Variants in KAT6A observed in about 807,000 individuals in gnomAD.
KAT6A encodes lysine acetyltransferase 6A.
In KAT6A, 9 loss-of-function variants were observed where a neutral mutation model predicts 198.4. That is an observed-to-expected ratio of 0.05 (90% CI 0.03 to 0.08). The LOEUF (loss-of-function observed/expected upper bound fraction) is 0.08. KAT6A is among the 10% of genes least tolerant of loss of function. The probability of loss-of-function intolerance (pLI) is 1.00; values close to 1 mark genes in which losing one functional copy is unlikely to be tolerated. For missense variants in KAT6A, 2,077 were observed against 2,509.9 expected (o/e 0.83, Z 3.69); for synonymous variants, 890 against 883.0 (o/e 1.01, Z -0.14).
chr8:41,967,641 G>C (rs1823576334), intron 8 of KAT6A, among the ~76,000 whole-genome samples: 1 of 151,882 alleles, frequency 6.6e-6, no homozygotes, highest in African/African-American at 2.4e-5. Flanking sequence ...ATTTTTTATG[G>C]CTACATAGTA....
chr8:42,005,588 G>A (rs1475573416), intron 2 of KAT6A, among the ~76,000 whole-genome samples: 1 of 152,150 alleles, frequency 6.6e-6, no homozygotes, highest in Non-Finnish European at 1.5e-5. Flanking sequence ...TGTTTTCCTA[G>A]CCAGCACATT....
chr8:42,023,778 C>A (rs563799173), intron 2 of KAT6A, among the ~76,000 whole-genome samples: 4 of 151,332 alleles, frequency 2.6e-5, no homozygotes, highest in African/African-American at 4.9e-5. Flanking sequence ...TGAGCCACCA[C>A]GCCCAGCCTA....
intron 2 of KAT6A, among the ~76,000 whole-genome samples, chr8:42,043,914 T>A (rs568242624): frequency 6.6e-6 from 1 of 151,432 alleles, no homozygotes; most frequent in Non-Finnish European, 1.5e-5. Context: ...GGTACTGTTA[T>A]GTTATTAATA....
intron 8 of KAT6A, among the ~76,000 whole-genome samples, chr8:41,966,073 GCAAGTCA>G (rs1278747440): frequency 6.6e-6 from 1 of 152,084 alleles, no homozygotes; most frequent in Non-Finnish European, 1.5e-5. Flanking sequence ...CCTTAGTTGG[GCAAGTCA>G]CTATCAGATT....
rs376411038 is a variant in KAT6A at position 41,940,966 on chromosome 8, C to T, written c.2915G>A (p.Arg972His). Residue 972 changes from arginine (R) to histidine (H), a missense_variant, in exon 15 of 17, where the codon CGC becomes CAC. Arg to His is a conservative substitution (Grantham distance 29). This residue lies in a region of KAT6A where 301 missense variants were observed against 272.2 expected (regional missense o/e 1.11). Transcript: ENST00000265713. ...LTEGSERLPR[R>H]YSEGDRAVLR... ...GACAGCCCTGTCACCCTCACTGTAGCGACGGGGCAGCCTCTCACTTCCTTC... is the reference window on the plus strand; with the variant it reads ...GACAGCCCTGTCACCCTCACTGTAGTGACGGGGCAGCCTCTCACTTCCTTC... 2.2e-5 allele frequency: 36 copies of T among 1,614,194 alleles called. No individual in the cohort carries two copies. The highest frequency in any genetic ancestry group is 5.0e-5 in the Admixed American group (3 of 60,020).
rs147773862 is a variant in KAT6A at position 42,037,407 on chromosome 8, T to C, written c.600+10971A>G. Among the ~76,000 whole-genome samples the C allele has an allele frequency of 4.6e-5, 7 of 152,216 alleles. No homozygotes were observed. In the East Asian group the frequency reaches 1.3e-3, roughly 29 times the overall value. ...AATCACACTCCACACACAAAAATAG[T>C]AATAATGTTTCTGAGAGTTCTGTTA... On this transcript the variant is annotated intron_variant, in intron 2 of 16. Coordinates refer to ENST00000265713, the MANE Select transcript of KAT6A (RefSeq NM_006766.5).
Position 42,034,764 on chromosome 8 carries a change from T to C in KAT6A, c.600+13614A>G, listed in dbSNP as rs1445064994. 6.6e-5 allele frequency among the ~76,000 whole-genome samples: 10 copies of C among 152,316 alleles called. No homozygotes were observed. In the South Asian group the frequency reaches 1.5e-3, roughly 22 times the overall value. ...GCTATCACAGAGGGCAGTACAGATATAGAACATTTCCATCATTGCACAAAG... is the reference window on the plus strand; with the variant it reads ...GCTATCACAGAGGGCAGTACAGATACAGAACATTTCCATCATTGCACAAAG... On this transcript the variant is annotated intron_variant, in intron 2 of 16. Transcript: ENST00000265713.
At chr8:41,955,255 T>G (rs765293393) in intron 9 of KAT6A, 41 bp downstream of exon 9, 1 of 1,211,116 alleles carries the variant, frequency 8.3e-7, no homozygotes, top group Admixed American at 1.7e-5. Context: ...CAGACTTCTA[T>G]GGATCTCAAA....
intron 15 of KAT6A, among the ~76,000 whole-genome samples, chr8:41,939,233 G>A (rs1821990579): frequency 6.6e-6 from 1 of 152,118 alleles, no homozygotes; most frequent in Non-Finnish European, 1.5e-5. Flanking sequence ...TCTTAAGTGT[G>A]GCTATGCACA....
chr8:41,949,349 T>A lies in KAT6A; in HGVS notation c.1613A>T (p.Tyr538Phe). The change falls in exon 10 of 17, where the codon TAT becomes TTT. Residue 538 changes from tyrosine to phenylalanine, a missense_variant. This residue lies in a region of KAT6A where 46 missense variants were observed against 88.2 expected (regional missense o/e 0.52). Coordinates refer to ENST00000265713, the MANE Select transcript of KAT6A (RefSeq NM_006766.5). ...ATATTTTAGACAAAATTCACAAAGATACAATTTGGGCAGCCTGTAAACGAT... is the reference window on the plus strand; with the variant it reads ...ATATTTTAGACAAAATTCACAAAGAAACAATTTGGGCAGCCTGTAAACGAT... ...PQEYSRLPKL[Y>F]LCEFCLKYMK... The A allele has an allele frequency of 6.5e-7, 1 of 1,543,318 alleles. No homozygotes were observed. Among genetic ancestry groups the A allele is most frequent in the Non-Finnish European group, 8.7e-7 (1 of 1,150,234 alleles).
At position 41,987,477 on chromosome 8, in the gene KAT6A, G is replaced by A. The variant is rs770650922; in HGVS notation, c.687C>T (p.Ser229=). ...NREKKPEELI[S]CADCGNSGHP... ...TACCACTGTTGCCACAGTCGGCACA[G>A]GAGATGAGTTCCTCTGGCTTCTTTT... Residue 229 remains serine (S), a synonymous_variant, in exon 3 of 17, where the codon TCC becomes TCT. Coordinates refer to ENST00000265713, the MANE Select transcript of KAT6A (RefSeq NM_006766.5). 3.7e-6 allele frequency: 6 copies of A among 1,608,470 alleles called. No individual in the cohort carries two copies. The highest frequency in any genetic ancestry group is 1.3e-5 in the African/African-American group (1 of 74,934).
At chr8:41,937,144 T>C (rs1821889351) in intron 16 of KAT6A, 112 bp downstream of exon 16, 2 of 765,678 alleles carry the variant, frequency 2.6e-6, no homozygotes, top group Non-Finnish European at 4.2e-6. Flanking sequence ...GTTCCTTTTC[T>C]TGCTTAGTGG....
rs1459944039 is a variant in KAT6A at position 42,023,040 on chromosome 8, C to CT, written c.600+25337dup. ...ACACACCTAGGCTATATGGTATAGG[C>CT]TACAGCTCCTAGCTACAAACCTGTA... On this transcript the variant is annotated intron_variant, in intron 2 of 16. Coordinates refer to ENST00000265713, the MANE Select transcript of KAT6A (RefSeq NM_006766.5). Among the ~76,000 whole-genome samples the CT allele has an allele frequency of 9.9e-5, 15 of 152,194 alleles. 1 individual carries two copies. Among genetic ancestry groups the CT allele is most frequent in the African/African-American group, 2.7e-4 (11 of 41,436 alleles).
At position 42,048,837 on chromosome 8, in the gene KAT6A, A is replaced by C. The variant is rs1028618585; in HGVS notation, c.141T>G (p.Val47=). ...TAACACTCAACTCCAATTGTTCTAA[A>C]ACAGTTTTACGATCCAAGCCATGGG... ...SSSHGLDRKT[V]LEQLELSVKD... is the part of the protein sequence containing the mutation. Residue 47 remains valine, a synonymous_variant, in exon 2 of 17, where the codon GTT becomes GTG. Coordinates refer to ENST00000265713, the MANE Select transcript of KAT6A (RefSeq NM_006766.5). 1.2e-6 allele frequency: 2 copies of C among 1,614,040 alleles called. No individual in the cohort carries two copies. The highest frequency in any genetic ancestry group is 2.7e-5 in the African/African-American group (2 of 74,922).
chr8:41,937,240 G>T lies in KAT6A; in HGVS notation c.3352+16C>A. 1 of 1,599,202 alleles carries T rather than the reference G, an allele frequency of 6.3e-7. No homozygotes were observed. The highest frequency in any genetic ancestry group is 8.6e-7 in the Non-Finnish European group (1 of 1,169,442). The stretch of plus-strand genomic sequence containing the variant: ...GAAGACAATAAACCACAGTAAGTGA[G>T]TTCTGTAAAACATACCATCAGCATC... On this transcript the variant is annotated intron_variant, in intron 16 of 16. Coordinates refer to ENST00000265713, the MANE Select transcript of KAT6A (RefSeq NM_006766.5).
intron 2 of KAT6A, among the ~76,000 whole-genome samples, chr8:42,027,597 G>A (rs184757777): frequency 2.7e-4 from 41 of 152,232 alleles, no homozygotes; most frequent in Non-Finnish European, 1.2e-4. Flanking sequence ...GTTCATAATA[G>A]TTGCTGACGA....
intron 2 of KAT6A, among the ~76,000 whole-genome samples, chr8:42,031,833 G>C (rs1364415318): frequency 2.6e-5 from 4 of 151,662 alleles, no homozygotes; most frequent in Non-Finnish European, 4.4e-5. Context: ...GTTTTGTCAT[G>C]TTGGCCAGGC....
At chr8:41,993,099 C>T (rs1274808559) in intron 2 of KAT6A, among the ~76,000 whole-genome samples, 2 of 152,134 alleles carry the variant, frequency 1.3e-5, no homozygotes, top group Non-Finnish European at 2.9e-5. Flanking sequence ...CTACTGTTAA[C>T]ACTTCTTTTA....
At chr8:41,972,746 A>C (rs555551287) in intron 8 of KAT6A, among the ~76,000 whole-genome samples, 2 of 152,330 alleles carry the variant, frequency 1.3e-5, no homozygotes, top group South Asian at 2.1e-4. Flanking sequence ...TGATGATTGG[A>C]CCATGGTCAT....
Sources: allele counts gnomAD v4.1 joint callset (sites outside exome capture counted in the v4.1 genomes callset), GRCh38; gene constraint gnomAD v4.1.1; regional missense constraint gnomAD v4.1.1; transcripts MANE v1.5; gene names NCBI Gene and HGNC (gene_info 2026-07-23, HGNC 2026-07-21).